The following TNKS variants were observed in gnomAD, a reference collection of about 807,000 sequenced individuals.
TNKS encodes poly [ADP-ribose] polymerase tankyrase-1.
TNKS carries 72 observed loss-of-function variants against 135.8 expected under a neutral mutation model. The observed-to-expected ratio is 0.53, with a 90% confidence interval of 0.44 to 0.64. The LOEUF (loss-of-function observed/expected upper bound fraction) is 0.64. TNKS is among the 30% of genes least tolerant of loss of function. The pLI is 0.00. For synonymous variants in TNKS, 849 were observed against 649.3 expected (o/e 1.31, Z -4.68); for missense variants, 1,769 against 1,674.0 (o/e 1.06, Z -0.99).
In TNKS at chr8:9,720,525, C is replaced by T. The variant is rs1396896728; in HGVS notation, c.1901C>T (p.Ala634Val). The change falls in exon 12 of 27, where the codon GCA becomes GTA. Residue 634 changes from alanine (A) to valine (V), a missense_variant. Coordinates refer to ENST00000310430, the MANE Select transcript of TNKS (RefSeq NM_003747.3). The stretch of plus-strand genomic sequence containing the variant: ...ACAGCAGCACAGATGGGCAATGAAG[C>T]AGTGCAGCAGATTCTGAGTGGTGAG... Reference protein sequence around the residue: ...GFTAAQMGNEAVQQILSESTP... With the variant: ...GFTAAQMGNEVVQQILSESTP... 2 of 1,613,060 alleles carry T rather than the reference C, an allele frequency of 1.2e-6. No individual in the cohort carries two copies. Among genetic ancestry groups the T allele is most frequent in the Non-Finnish European group, 8.5e-7 (1 of 1,179,654 alleles).
chr8:9,714,070 T>TTATC lies in TNKS; in HGVS notation c.1749+3851_1749+3854dup, dbSNP rs149322513. The stretch of plus-strand genomic sequence containing the variant: ...AGAAGAATTTGGGATGAAGACCTAA[T>TTATC]TATCATTAAGTAATTTGCCTTACTT... On this transcript the variant is annotated intron_variant, in intron 11 of 26. Coordinates refer to ENST00000310430, the MANE Select transcript of TNKS (RefSeq NM_003747.3). Among the ~76,000 whole-genome samples, 486 of 152,340 alleles carry TTATC rather than the reference T, an allele frequency of 3.2e-3. 2 individuals are homozygous for TTATC. Among genetic ancestry groups the TTATC allele is most frequent in the African/African-American group, 0.011 (449 of 41,588 alleles).
chr8:9,708,299 A>G, intron 8 of TNKS, 72 bp from the exon 9 acceptor site: 1 of 1,272,916 alleles, frequency 7.9e-7, no homozygotes. Flanking sequence ...ATTCCTACTT[A>G]TTTATAATCA....
intron 11 of TNKS, among the ~76,000 whole-genome samples, chr8:9,714,642 A>G (rs1159099403): frequency 6.6e-6 from 1 of 152,198 alleles, no homozygotes; most frequent in Non-Finnish European, 1.5e-5. Flanking sequence ...TCAGTCCTGA[A>G]TCAATTTAGC....
chr8:9,735,340 G>A (rs766916010), intron 16 of TNKS, 37 bp from the exon 17 acceptor site: 3 of 1,575,526 alleles, frequency 1.9e-6, no homozygotes, highest in African/African-American at 2.7e-5. Flanking sequence ...TTTCCTTTAA[G>A]CTGACACGTT....
At chr8:9,649,868 CT>C (rs1165235231) in intron 3 of TNKS, among the ~76,000 whole-genome samples, 1 of 116,416 alleles carries the variant, frequency 8.6e-6, no homozygotes, top group East Asian at 2.4e-4. Flanking sequence ...TTCTTTCTTT[CT>C]TTTCTTTTCT....
chr8:9,672,717 A>C (rs1411474130), intron 3 of TNKS, among the ~76,000 whole-genome samples: 38 of 126,986 alleles, frequency 3.0e-4, no homozygotes, highest in African/African-American at 8.7e-4. Context: ...CACACAAAAA[A>C]AAAAAAACAA....
At chr8:9,702,709 A>G (rs894918881) in intron 5 of TNKS, among the ~76,000 whole-genome samples, 3 of 151,942 alleles carry the variant, frequency 2.0e-5, no homozygotes, top group African/African-American at 7.3e-5. Flanking sequence ...TTAGTTGCCT[A>G]TTTTTACATG....
intron 18 of TNKS, among the ~76,000 whole-genome samples, chr8:9,749,999 C>T (rs79278769): frequency 0.036 from 5,412 of 152,248 alleles, 273 homozygotes; most frequent in African/African-American, 0.11. Context: ...TTACACACCA[C>T]TCCATCAGCC....
chr8:9,689,683 T>C (rs1372178337), intron 5 of TNKS, among the ~76,000 whole-genome samples: 1 of 152,184 alleles, frequency 6.6e-6, no homozygotes, highest in East Asian at 1.9e-4. Flanking sequence ...ACATTCATTA[T>C]AGAAATGCAG....
intron 3 of TNKS, among the ~76,000 whole-genome samples, chr8:9,650,180 C>A (rs1434909646): frequency 2.6e-5 from 4 of 152,184 alleles, no homozygotes; most frequent in African/African-American, 9.7e-5. Context: ...GGGTGAGCTA[C>A]TGTGCCCAGC....
At chr8:9,610,174 CTG>C (rs1799399723) in intron 2 of TNKS, among the ~76,000 whole-genome samples, 1 of 132,684 alleles carries the variant, frequency 7.5e-6, no homozygotes, top group South Asian at 2.4e-4. Flanking sequence ...TTCATAGTTA[CTG>C]TTAGTGGTAA....
intron 21 of TNKS, among the ~76,000 whole-genome samples, chr8:9,762,897 T>G (rs1786509105): frequency 7.7e-6 from 1 of 130,374 alleles, no homozygotes; most frequent in South Asian, 2.4e-4. Context: ...AGAGCGAGGC[T>G]CCGTCTCAAA....
intron 5 of TNKS, among the ~76,000 whole-genome samples, chr8:9,684,525 C>T (rs1383454830): frequency 6.6e-6 from 1 of 152,030 alleles, no homozygotes; most frequent in African/African-American, 2.4e-5. Context: ...ATCCATTCCT[C>T]ATCTTAATAG....
intron 20 of TNKS, among the ~76,000 whole-genome samples, chr8:9,754,410 G>C (rs193160355): frequency 1.3e-5 from 2 of 151,960 alleles, no homozygotes; most frequent in Admixed American, 1.3e-4. Context: ...GCCCATTATG[G>C]TTCCCTTCTA....
intron 5 of TNKS, among the ~76,000 whole-genome samples, chr8:9,696,038 T>A (rs1178437214): frequency 6.6e-6 from 1 of 152,200 alleles, no homozygotes. Context: ...TGACTATATG[T>A]CATTTACTCC....
chr8:9,613,436 T>C (rs1362840493), intron 2 of TNKS, among the ~76,000 whole-genome samples: 1 of 152,244 alleles, frequency 6.6e-6, no homozygotes, highest in Non-Finnish European at 1.5e-5. Context: ...CCTGCTGATC[T>C]AATGAGGGGT....
At chr8:9,574,541 A>G (rs919734989) in intron 1 of TNKS, among the ~76,000 whole-genome samples, 5 of 152,176 alleles carry the variant, frequency 3.3e-5, no homozygotes, top group Admixed American at 3.3e-4. Context: ...TCCTTTTAAG[A>G]TTTAAATAGA....
At chr8:9,589,886 C>G (rs927472899) in intron 2 of TNKS, among the ~76,000 whole-genome samples, 3 of 152,238 alleles carry the variant, frequency 2.0e-5, no homozygotes, top group Non-Finnish European at 4.4e-5. Context: ...CTATAGCTGT[C>G]CACAAACTCT....
intron 2 of TNKS, among the ~76,000 whole-genome samples, chr8:9,580,881 A>C (rs1358477452): frequency 6.6e-6 from 1 of 152,206 alleles, no homozygotes; most frequent in Non-Finnish European, 1.5e-5. Flanking sequence ...AGCAATTTCA[A>C]ACAAATTGGA....
Sources: allele counts gnomAD v4.1 joint callset (sites outside exome capture counted in the v4.1 genomes callset), GRCh38; gene constraint gnomAD v4.1.1; transcripts MANE v1.5; gene names NCBI Gene and HGNC (gene_info 2026-07-23, HGNC 2026-07-21).